ZP2: variants seen among roughly 807,000 people sequenced by gnomAD.
ZP2 encodes zona pellucida glycoprotein 2.
Under a neutral mutation model 84.0 loss-of-function variants are expected in ZP2, and 51 were observed. The observed-to-expected ratio is 0.61, with a 90% CI of 0.49 to 0.77. ZP2 has a LOEUF of 0.77. Among genes scored for constraint, ZP2 ranks in the 30% least tolerant of loss-of-function variants. The probability of loss-of-function intolerance (pLI) is 0.00; values close to 1 mark genes in which losing one functional copy is unlikely to be tolerated. For missense variants in ZP2, 909 were observed against 911.9 expected (o/e 1.00, Z 0.04); for synonymous variants, 375 against 330.9 (o/e 1.13, Z -1.45).
At chr16:21,214,054 G>C (rs1039248822), upstream of ZP2, among the ~76,000 whole-genome samples, 1 of 151,854 alleles carries the variant, frequency 6.6e-6, no homozygotes, top group African/African-American at 2.4e-5. Context: ...TCTTTCTCCA[G>C]AGCGGGAAGT....
At chr16:21,198,976 T>G in intron 16 of ZP2, 114 bp from the exon 17 acceptor site, 2 of 1,006,988 alleles carry the variant, frequency 2.0e-6, no homozygotes, top group Non-Finnish European at 3.0e-6. Flanking sequence ...ATGTGGTTTG[T>G]CTTGCCTTTG....
At chr16:21,208,849 T>C (rs957923217) in intron 4 of ZP2, among the ~76,000 whole-genome samples, 14 of 152,148 alleles carry the variant, frequency 9.2e-5, no homozygotes, top group African/African-American at 3.4e-4. Flanking sequence ...TAGTCTTCAT[T>C]ACCCCCATGG....
At position 21,205,592 on chromosome 16, in the gene ZP2, CA is replaced by C; in HGVS notation, c.529-9del. 1 of 1,613,806 alleles carries C rather than the reference CA, an allele frequency of 6.2e-7. No homozygotes were observed. Among genetic ancestry groups the C allele is most frequent in the South Asian group, 1.1e-5 (1 of 91,034 alleles). On this transcript the variant is annotated splice_polypyrimidine_tract_variant and intron_variant, in intron 6 of 18. Coordinates refer to ENST00000574091, the MANE Select transcript of ZP2 (RefSeq NM_001376232.1). ...CATCTGAACTTTGGTCCCCTGAAGT[CA>C]AAAAGCTTTGTTTAGAGGGCTGGTG...
chr16:21,203,301 A>G, intron 9 of ZP2, 50 bp from the exon 10 acceptor site: 1 of 1,606,046 alleles, frequency 6.2e-7, no homozygotes, highest in South Asian at 1.1e-5. Context: ...GGGGCCCGGA[A>G]CCGTCACAGG....
At chr16:21,210,894 T>G (rs1054850026) in intron 2 of ZP2, among the ~76,000 whole-genome samples, 6 of 151,422 alleles carry the variant, frequency 4.0e-5, no homozygotes, top group Non-Finnish European at 8.8e-5. Context: ...TTTTTTTTTT[T>G]AAAGATCAAG....
In ZP2 at chr16:21,201,925, A is replaced by G; in HGVS notation, c.1379+7T>C. 2 of 1,613,412 alleles carry G rather than the reference A, an allele frequency of 1.2e-6. No homozygotes were observed. The highest frequency in any genetic ancestry group is 1.7e-6 in the Non-Finnish European group (2 of 1,179,396). On this transcript the variant is annotated splice_region_variant and intron_variant, in intron 12 of 18. Transcript: ENST00000574091. ...AGCTTAAGAGTCAAATAGCAATTTTATCTCACCTGAACTCACTGTCTCTAG... is the reference window on the plus strand; with the variant it reads ...AGCTTAAGAGTCAAATAGCAATTTTGTCTCACCTGAACTCACTGTCTCTAG...
At chr16:21,201,276 G>A (rs1229101887) in intron 14 of ZP2, 93 bp downstream of exon 14, 13 of 1,139,654 alleles carry the variant, frequency 1.1e-5, no homozygotes, top group Non-Finnish European at 1.5e-5. Flanking sequence ...TCACATGACT[G>A]AATGCTGCTC....
intron 2 of ZP2, among the ~76,000 whole-genome samples, chr16:21,210,974 CTTG>C (rs1270268005): frequency 6.6e-6 from 1 of 151,438 alleles, no homozygotes; most frequent in Non-Finnish European, 1.5e-5. Context: ...TCCAGTTTTG[CTTG>C]TTATGTCGAT....
At chr16:21,201,641 A>G in intron 13 of ZP2, 65 bp downstream of exon 13, 1 of 1,612,186 alleles carries the variant, frequency 6.2e-7, no homozygotes, top group Non-Finnish European at 8.5e-7. Context: ...TGGCAGTATC[A>G]GGATGTTCAT....
rs377495556 is a variant in ZP2 at position 21,209,744 on chromosome 16, G to T, written c.236-19C>A. On this transcript the variant is annotated intron_variant, in intron 3 of 18. Coordinates refer to ENST00000574091, the MANE Select transcript of ZP2 (RefSeq NM_001376232.1). ...AGAGGATCTGCCAAGGCCAGAGCAG[G>T]TTAGACAGGATGGCTGAGTACATTT... 478 of 1,611,730 alleles carry T rather than the reference G, an allele frequency of 3.0e-4. 1 individual carries two copies. The highest frequency in any genetic ancestry group is 5.9e-4 in the South Asian group (54 of 91,022).
intron 14 of ZP2, 130 bp from the exon 15 acceptor site, chr16:21,200,008 G>GCCA: frequency 8.7e-7 from 1 of 1,147,580 alleles, no homozygotes; most frequent in Non-Finnish European, 1.2e-6. Flanking sequence ...CAGCACCTTT[G>GCCA]TTTTACTCAG....
At chr16:21,211,876 AAG>A (rs1321461313), upstream of ZP2, 1 of 968,506 alleles carries the variant, frequency 1.0e-6, no homozygotes, top group Non-Finnish European at 1.4e-6. Context: ...TGTAGAGCCA[AAG>A]AGAATCATGG....
chr16:21,208,875 T>G (rs560726793), intron 4 of ZP2, among the ~76,000 whole-genome samples: 1 of 152,314 alleles, frequency 6.6e-6, no homozygotes, highest in East Asian at 1.9e-4. Context: ...GCACCATTAC[T>G]CTCATCTTCT....
chr16:21,205,309 A>G, intron 7 of ZP2, 111 bp downstream of exon 7: 1 of 1,339,706 alleles, frequency 7.5e-7, no homozygotes. Flanking sequence ...CTTAATAGGC[A>G]TTAAAATGGG....
intron 4 of ZP2, 103 bp downstream of exon 4, chr16:21,209,528 G>A (rs890240752): frequency 6.1e-6 from 6 of 981,346 alleles, no homozygotes; most frequent in East Asian, 4.9e-5. Context: ...TTGGTTGAGA[G>A]CCACTGCTTT....
At chr16:21,209,165 C>T (rs2093263007) in intron 4 of ZP2, among the ~76,000 whole-genome samples, 1 of 152,154 alleles carries the variant, frequency 6.6e-6, no homozygotes. Context: ...GTCCCCTGGA[C>T]AGATTCCCCC....
intron 14 of ZP2, 120 bp from the exon 15 acceptor site, chr16:21,199,998 C>A: frequency 7.7e-7 from 1 of 1,303,838 alleles, no homozygotes; most frequent in Non-Finnish European, 1.1e-6. Context: ...TACCTTCTAC[C>A]AGCACCTTTG....
intron 4 of ZP2, among the ~76,000 whole-genome samples, chr16:21,208,284 T>C (rs2093259475): frequency 6.6e-6 from 1 of 152,184 alleles, no homozygotes; most frequent in South Asian, 2.1e-4. Context: ...TCTAAGGGAA[T>C]GCGACTCCAA....
chr16:21,202,486 T>C (rs2093230717), intron 10 of ZP2, among the ~76,000 whole-genome samples, 195 bp from the exon 11 acceptor site: 1 of 152,152 alleles, frequency 6.6e-6, no homozygotes, highest in Non-Finnish European at 1.5e-5. Flanking sequence ...TTGTTCTATG[T>C]GAGAGTAGGA....
Sources: gnomAD v4.1 joint callset for allele counts (sites outside exome capture counted in the v4.1 genomes callset) on GRCh38, gnomAD v4.1.1 for gene constraint, MANE v1.5 for transcripts, NCBI Gene and HGNC (gene_info 2026-07-23, HGNC 2026-07-21) for gene names.